Variants in TXNL4A observed in about 807,000 individuals in gnomAD.
TXNL4A encodes thioredoxin-like protein 4A.
TXNL4A carries 17 observed loss-of-function variants against 14.6 expected under a neutral mutation model. That is an observed-to-expected ratio of 1.16 (90% CI 0.80 to 1.74). The LOEUF is 1.74. TXNL4A is among the 40% of genes most tolerant of loss of function. The pLI is 0.00. For synonymous variants in TXNL4A, 83 were observed against 70.6 expected (o/e 1.18, Z -0.88); for missense variants, 74 against 195.2 (o/e 0.38, Z 3.70).
At chr18:80,028,866 T>C (rs986273223) in intron 1 of TXNL4A, among the ~76,000 whole-genome samples, 2 of 152,226 alleles carry the variant, frequency 1.3e-5, no homozygotes, top group African/African-American at 4.8e-5. Context: ...TCAGAGCTGT[T>C]AGAAGCTATT....
chr18:80,015,468 G>C (rs1351165154), intron 1 of TXNL4A, among the ~76,000 whole-genome samples: 1 of 151,302 alleles, frequency 6.6e-6, no homozygotes. Context: ...CCATTAACTC[G>C]TCATTTAGCA....
At position 80,005,511 on chromosome 18, in the gene TXNL4A, A is replaced by G. The variant is rs554478447; in HGVS notation, c.-60-27810T>C. Among the ~76,000 whole-genome samples, 30 of 152,368 alleles carry G rather than the reference A, an allele frequency of 2.0e-4. No individual in the cohort carries two copies. In the East Asian group the frequency reaches 5.8e-3, roughly 29 times the overall value. On this transcript the variant is annotated intron_variant, in intron 1 of 2. Coordinates refer to the TXNL4A transcript ENST00000585474. ...TTTCAGGAATAAAATAATAATATAC[A>G]TTCTCTGGCCTAGTAACAGAGAATC...
In TXNL4A at chr18:79,986,655, G is replaced by A. The variant is rs554180626; in HGVS notation, c.153+1585C>T. On this transcript the variant is annotated intron_variant, in intron 1 of 2. Transcript: ENST00000269601. ...AAGAGCATCTTGCTGAGCTGTGCTC[G>A]GATGTGATGAGACAAAGGCCCTCAC... 6.2e-5 allele frequency: 61 copies of A among 985,404 alleles called. 2 individuals are homozygous for A. The East Asian group carries it at 5.3e-3, about 86-fold the overall frequency. The allele number at this position is 985,404 out of a possible 1,614,324, so 61.0% of individuals were successfully genotyped here.
At chr18:80,006,665 T>C (rs762392702) in intron 1 of TXNL4A, among the ~76,000 whole-genome samples, 7 of 152,178 alleles carry the variant, frequency 4.6e-5, no homozygotes, top group African/African-American at 7.2e-5. Context: ...ATTGAGGACG[T>C]AGACCCACAA....
upstream of TXNL4A, among the ~76,000 whole-genome samples, chr18:79,992,876 T>TAA (rs59567705): frequency 0.23 from 17,821 of 78,376 alleles, 3,221 homozygotes; most frequent in East Asian, 0.66. Context: ...TCATCTTATG[T>TAA]AAAAAAAAAA....
rs1290933662 is a variant in TXNL4A, at chr18:79,982,195, A to G, written c.154-4494T>C. Among the ~76,000 whole-genome samples the G allele has an allele frequency of 6.6e-6, 1 of 150,740 alleles. No individual in the cohort carries two copies. The highest frequency in any genetic ancestry group is 2.4e-5 in the African/African-American group (1 of 41,298). On this transcript the variant is annotated intron_variant, in intron 1 of 2. Coordinates refer to ENST00000269601, the MANE Select transcript of TXNL4A (RefSeq NM_006701.5). The surrounding 1 kb of genome is among the most constrained non-coding windows in gnomAD (Gnocchi z 4.0). ...CACAAGACCAGCAGCCAGGTCTCAG[A>G]TCCAGCACCAGGGCAAGGAAGCAGA...
intron 1 of TXNL4A, among the ~76,000 whole-genome samples, chr18:79,984,401 C>T (rs1599725649): frequency 6.6e-6 from 1 of 152,034 alleles, no homozygotes; most frequent in Non-Finnish European, 1.5e-5. Flanking sequence ...TGAGACCAGC[C>T]GGCCAATATG....
intron 1 of TXNL4A, among the ~76,000 whole-genome samples, chr18:80,023,739 G>C (rs1332198524): frequency 6.6e-6 from 1 of 152,110 alleles, no homozygotes; most frequent in Admixed American, 6.5e-5. Context: ...TGAATTCCCT[G>C]CTTCTAGGAA....
chr18:79,986,200 C>A (rs957335513), intron 1 of TXNL4A, among the ~76,000 whole-genome samples: 1 of 152,012 alleles, frequency 6.6e-6, no homozygotes, highest in Non-Finnish European at 1.5e-5. Context: ...CCACCACGCC[C>A]GGCATTTGTA....
At chr18:80,028,354 A>G (rs1450050421) in intron 1 of TXNL4A, among the ~76,000 whole-genome samples, 1 of 148,896 alleles carries the variant, frequency 6.7e-6, no homozygotes, top group African/African-American at 2.5e-5. Flanking sequence ...ATCATACTCA[A>G]CGTGTGTCTG....
intron 1 of TXNL4A, among the ~76,000 whole-genome samples, chr18:79,996,448 A>G (rs2051663125): frequency 6.6e-6 from 1 of 152,056 alleles, no homozygotes; most frequent in Non-Finnish European, 1.5e-5. Context: ...AAACCTTAAC[A>G]TTTCTTTGGG....
chr18:79,988,814 C>T (rs2051600511), upstream of TXNL4A, among the ~76,000 whole-genome samples: 1 of 151,912 alleles, frequency 6.6e-6, no homozygotes, highest in African/African-American at 2.4e-5. Flanking sequence ...CCCCACGCTC[C>T]CGCCCCGAGG....
intron 1 of TXNL4A, among the ~76,000 whole-genome samples, chr18:79,983,996 A>G (rs11660677): frequency 0.77 from 116,326 of 150,964 alleles, 45,734 homozygotes; most frequent in East Asian, 0.91. Context: ...CTCAACCGCC[A>G]CTCAACACCA....
intron 1 of TXNL4A, among the ~76,000 whole-genome samples, chr18:79,997,242 AC>A (rs1435000125): frequency 2.6e-5 from 4 of 151,732 alleles, no homozygotes; most frequent in Non-Finnish European, 5.9e-5. Context: ...AACCTGAAGA[AC>A]CCCCTACCCA....
upstream of TXNL4A, among the ~76,000 whole-genome samples, chr18:79,990,303 A>G (rs2051617718): frequency 6.6e-6 from 1 of 152,244 alleles, no homozygotes; most frequent in Admixed American, 6.5e-5. Flanking sequence ...GAGATCATCT[A>G]AATCTCTTTC....
intron 1 of TXNL4A, among the ~76,000 whole-genome samples, chr18:79,996,708 C>T (rs1432965568): frequency 3.3e-5 from 5 of 152,032 alleles, no homozygotes; most frequent in Admixed American, 2.0e-4. Flanking sequence ...TTTGGGAGGC[C>T]GAGGCAGGTG....
At chr18:79,999,001 T>C (rs111550262) in intron 1 of TXNL4A, among the ~76,000 whole-genome samples, 1 of 152,160 alleles carries the variant, frequency 6.6e-6, no homozygotes. Context: ...GGATATGCTG[T>C]GGTTTCCTTA....
chr18:79,986,540 A>G (rs1485447264), intron 1 of TXNL4A: 2 of 978,814 alleles, frequency 2.0e-6, no homozygotes, highest in African/African-American at 3.5e-5. Flanking sequence ...CTGTAATAAC[A>G]AAGAAATTGG....
chr18:80,006,123 C>T (rs954436829), intron 1 of TXNL4A, among the ~76,000 whole-genome samples: 3 of 151,536 alleles, frequency 2.0e-5, no homozygotes, highest in Non-Finnish European at 2.9e-5. Flanking sequence ...TGGTGGCTCA[C>T]GCCTGTAATC....
Sources: allele counts gnomAD v4.1 joint callset (sites outside exome capture counted in the v4.1 genomes callset), GRCh38; gene constraint gnomAD v4.1.1; non-coding constraint Gnocchi (gnomAD v3.1); transcripts MANE v1.5; gene names NCBI Gene and HGNC (gene_info 2026-07-23, HGNC 2026-07-21).